The following KCMF1 variants were observed in gnomAD, a reference collection of about 807,000 sequenced individuals.
KCMF1 encodes the protein E3 ubiquitin-protein ligase KCMF1.
In KCMF1, 3 loss-of-function variants were observed where a neutral mutation model predicts 41.1. The ratio of observed to expected loss-of-function variants is 0.07; its 90% CI spans 0.03 to 0.19. The LOEUF (loss-of-function observed/expected upper bound fraction) is 0.19, where lower values mean the gene tolerates loss of function less well. Among genes scored for constraint, KCMF1 ranks in the 10% least tolerant of loss-of-function variants. The pLI is 1.00. For missense variants in KCMF1, 286 were observed against 488.9 expected (o/e 0.58, Z 3.91); for synonymous variants, 142 against 164.5 (o/e 0.86, Z 1.04).
At chr2:84,995,425 G>A (rs765595362) in intron 1 of KCMF1, among the ~76,000 whole-genome samples, 1 of 152,060 alleles carries the variant, frequency 6.6e-6, no homozygotes, top group Non-Finnish European at 1.5e-5. Context: ...AGAATATTTC[G>A]TAGGTGCCGA....
Position 84,971,571 on chromosome 2 carries a change from G to A in KCMF1, c.16+104G>A, listed in dbSNP as rs1422903078. ...CCGGGAAGCGGCGGAGACTTTGGCC[G>A]AGCCCGAGCCGGGCCCGAGGCGCTG... On this transcript the variant is annotated intron_variant, in intron 1 of 6. Transcript: ENST00000409785. 2.5e-5 allele frequency: 14 copies of A among 566,438 alleles called. No individual in the cohort carries two copies. The East Asian group carries it at 7.7e-4, about 31-fold the overall frequency. 35.1% of individuals were successfully genotyped at this position (566,438 alleles called of 1,614,324 possible).
At position 85,021,219 on chromosome 2, in the gene KCMF1, G is replaced by A. The variant is rs142348913; in HGVS notation, c.17-6670G>A. 2.4e-4 allele frequency among the ~76,000 whole-genome samples: 37 copies of A among 152,152 alleles called. No individual in the cohort carries two copies. In the East Asian group the frequency reaches 5.2e-3, roughly 21 times the overall value. ...CATTTGGTTGTCTTAAGTTGATCGG[G>A]GAGTCTCACTGCAGCTTTTGAGATC... On this transcript the variant is annotated intron_variant, in intron 1 of 6. Coordinates refer to ENST00000409785, the MANE Select transcript of KCMF1 (RefSeq NM_020122.5).
chr2:85,054,311 A>G lies in KCMF1; in HGVS notation c.*902A>G, dbSNP rs1288648376. ...TGAATTATGTTGTCTTTGTTTTTAA[A>G]AATCTCACATTCTCAATCATATTTT... is the stretch of plus-strand genomic sequence containing the variant. On this transcript the variant is annotated 3_prime_UTR_variant, in exon 7 of 7. Coordinates refer to ENST00000409785, the MANE Select transcript of KCMF1 (RefSeq NM_020122.5). The G allele has an allele frequency of 4.6e-5, 7 of 152,156 alleles. No individual in the cohort carries two copies. Among genetic ancestry groups the G allele is most frequent in the Non-Finnish European group, 8.8e-5 (6 of 68,028 alleles). The allele number at this position is 152,156 out of a possible 1,614,324, so 9.4% of individuals were successfully genotyped here. A position where few individuals can be genotyped will look rare whatever the true frequency, so the allele number is the denominator to read the frequency against.
In KCMF1 at chr2:85,004,518, A is replaced by T. The variant is rs376067006; in HGVS notation, c.17-23371A>T. Among the ~76,000 whole-genome samples the T allele has an allele frequency of 1.7e-3, 261 of 152,086 alleles. 3 individuals are homozygous for T. The highest frequency in any genetic ancestry group is 0.012 in the East Asian group (64 of 5,144). ...CAGAGCAAGACTCCATCTCAAAAAA[A>T]AATAATAATAAAAAAAAAGAGAAAG... On this transcript the variant is annotated intron_variant, in intron 1 of 6. Transcript: ENST00000409785.
chr2:84,993,375 A>G (rs1435099468), intron 1 of KCMF1, among the ~76,000 whole-genome samples: 2 of 152,062 alleles, frequency 1.3e-5, no homozygotes, highest in East Asian at 1.9e-4. Flanking sequence ...TGATCCACAG[A>G]TAGTGTCAAC....
chr2:85,058,313 C>T lies in KCMF1; in HGVS notation c.*4904C>T, dbSNP rs552874634. On this transcript the variant is annotated 3_prime_UTR_variant, in exon 7 of 7. Transcript: ENST00000409785. Reference sequence around the variant, plus strand: ...CAGAGAATTGCTTGAACCCGGGAGGCGGAGGTTGCAGTGAGCCGAGATTGC... The same window carrying T: ...CAGAGAATTGCTTGAACCCGGGAGGTGGAGGTTGCAGTGAGCCGAGATTGC... 2.9e-3 allele frequency: 445 copies of T among 152,126 alleles called. 1 individual carries two copies. The highest frequency in any genetic ancestry group is 3.9e-3 in the Non-Finnish European group (266 of 68,068). The allele number at this position is 152,126 out of a possible 1,614,324, so 9.4% of individuals were successfully genotyped here. A position where few individuals can be genotyped will look rare whatever the true frequency, so the allele number is the denominator to read the frequency against.
At chr2:85,034,823 T>C (rs1675367841) in intron 2 of KCMF1, among the ~76,000 whole-genome samples, 193 bp from the exon 3 acceptor site, 1 of 152,304 alleles carries the variant, frequency 6.6e-6, no homozygotes, top group Non-Finnish European at 1.5e-5. Context: ...GGTTTTACCA[T>C]GTTCACCAGG....
chr2:84,987,291 C>T (rs1180800425), intron 1 of KCMF1, among the ~76,000 whole-genome samples: 2 of 152,180 alleles, frequency 1.3e-5, no homozygotes, highest in African/African-American at 4.8e-5. Context: ...AAATTGGTAT[C>T]ACTGAAGCAG....
chr2:84,974,160 T>A (rs1673472167), intron 1 of KCMF1, among the ~76,000 whole-genome samples: 1 of 152,196 alleles, frequency 6.6e-6, no homozygotes, highest in Non-Finnish European at 1.5e-5. Context: ...ATTTTTGCAC[T>A]CTCAGTCATC....
chr2:85,036,596 T>C (rs1049354284), intron 3 of KCMF1, among the ~76,000 whole-genome samples: 1 of 152,024 alleles, frequency 6.6e-6, no homozygotes, highest in African/African-American at 2.4e-5. Context: ...AAGTTTGAGA[T>C]TGGCCTGGAC....
intron 1 of KCMF1, among the ~76,000 whole-genome samples, chr2:85,008,291 T>TATATAATATGATATATC (rs1486177880): frequency 1.4e-4 from 2 of 14,652 alleles, no homozygotes; most frequent in South Asian, 2.2e-3. Flanking sequence ...TGATATATAA[T>TATATAATATGATATATC]ATATATAATA....
At chr2:85,019,778 G>GTA (rs1016245198) in intron 1 of KCMF1, among the ~76,000 whole-genome samples, 8 of 150,946 alleles carry the variant, frequency 5.3e-5, no homozygotes, top group East Asian at 1.9e-4. Flanking sequence ...ACATATACGT[G>GTA]TATATATATA....
intron 1 of KCMF1, among the ~76,000 whole-genome samples, chr2:85,023,096 C>G (rs1200539274): frequency 6.6e-6 from 1 of 151,236 alleles, no homozygotes; most frequent in Admixed American, 6.6e-5. Flanking sequence ...ACTGTGTTAG[C>G]CAGGATGGTC....
At chr2:84,976,864 T>C (rs1403254677) in intron 1 of KCMF1, among the ~76,000 whole-genome samples, 2 of 152,066 alleles carry the variant, frequency 1.3e-5, no homozygotes, top group Non-Finnish European at 2.9e-5. Flanking sequence ...ACTTTTTTTG[T>C]TTTTATTTTT....
chr2:85,051,192 A>G (rs1193774841), intron 6 of KCMF1, among the ~76,000 whole-genome samples: 1 of 152,242 alleles, frequency 6.6e-6, no homozygotes, highest in Non-Finnish European at 1.5e-5. Context: ...GGTTATTACC[A>G]GATAATGCTG....
At chr2:85,000,081 T>G (rs1005996744) in intron 1 of KCMF1, among the ~76,000 whole-genome samples, 1 of 152,202 alleles carries the variant, frequency 6.6e-6, no homozygotes, top group Admixed American at 6.5e-5. Context: ...CAATATTTAA[T>G]TTTTACAACA....
In KCMF1 at chr2:85,035,029, T is replaced by C. The variant is rs1259821182; in HGVS notation, c.198T>C (p.Gly66=). The change falls in exon 3 of 7, where the codon GGT becomes GGC. Residue 66 remains glycine, a synonymous_variant. Transcript: ENST00000409785. ...LTRVDFDLYY[G]GEAFSVEQPQ... Reference sequence around the variant, plus strand: ...CTTATTTTTCAGATTTATACTATGGTGGGGAAGCTTTCTCTGTAGAGCAGC... The same window carrying C: ...CTTATTTTTCAGATTTATACTATGGCGGGGAAGCTTTCTCTGTAGAGCAGC... The C allele has an allele frequency of 1.6e-5, 26 of 1,611,816 alleles. No individual in the cohort carries two copies. The highest frequency in any genetic ancestry group is 2.0e-5 in the Non-Finnish European group (23 of 1,178,488).
intron 2 of KCMF1, among the ~76,000 whole-genome samples, chr2:85,030,711 T>G (rs1366073211): frequency 1.3e-5 from 2 of 152,170 alleles, no homozygotes; most frequent in Non-Finnish European, 2.9e-5. Flanking sequence ...TTTTTGTTTG[T>G]TTTTTGACAC....
At chr2:85,006,169 T>C (rs979961353) in intron 1 of KCMF1, among the ~76,000 whole-genome samples, 1 of 152,102 alleles carries the variant, frequency 6.6e-6, no homozygotes, top group Non-Finnish European at 1.5e-5. Context: ...ATGGAACCTT[T>C]TGCCAATATT....
Sources: allele counts gnomAD v4.1 joint callset (sites outside exome capture counted in the v4.1 genomes callset), GRCh38; gene constraint gnomAD v4.1.1; transcripts MANE v1.5; gene names NCBI Gene and HGNC (gene_info 2026-07-23, HGNC 2026-07-21).